DDX1: variants seen among roughly 807,000 people sequenced by gnomAD.
DDX1 encodes the protein DEAD-box helicase 1.
In DDX1, 28 loss-of-function variants were observed where a neutral mutation model predicts 108.7. The ratio of observed to expected loss-of-function variants is 0.26; its 90% CI spans 0.19 to 0.35. DDX1 has a LOEUF of 0.35. Among genes scored for constraint, DDX1 ranks in the 10% least tolerant of loss-of-function variants. DDX1 has a pLI of 1.00. For missense variants in DDX1, 710 were observed against 884.5 expected (o/e 0.80, Z 2.50); for synonymous variants, 295 against 288.9 (o/e 1.02, Z -0.21).
chr2:15,618,336 C>A, intron 16 of DDX1, 66 bp downstream of exon 16: 1 of 827,704 alleles, frequency 1.2e-6, no homozygotes, highest in Non-Finnish European at 2.0e-6. Flanking sequence ...GTTACGGGAT[C>A]CCAGGGGGTG....
intron 12 of DDX1, among the ~76,000 whole-genome samples, chr2:15,606,819 A>AT (rs1246324057): frequency 6.6e-6 from 1 of 152,132 alleles, no homozygotes. Context: ...TTCCAAGTAG[A>AT]TTTTTATTGT....
Position 15,603,257 on chromosome 2 carries a change from C to G in DDX1, c.457C>G (p.Gln153Glu). The G allele has an allele frequency of 6.2e-7, 1 of 1,612,208 alleles. No individual in the cohort carries two copies. Among genetic ancestry groups the G allele is most frequent in the South Asian group, 1.1e-5 (1 of 90,942 alleles). ...ATGCAGGGTCGGGTGGTCTACCATG[C>G]AGGCCTCTTTGGACCTAGGTAAGTG... is the stretch of plus-strand genomic sequence containing the variant. ...GLCRVGWSTM[Q>E]ASLDLGTDKF... Residue 153 changes from glutamine (Q) to glutamate (E), a missense_variant, in exon 8 of 26, where the codon CAG becomes GAG. This residue lies in a region of DDX1 where 661 missense variants were observed against 810.2 expected (regional missense o/e 0.82). Transcript: ENST00000233084.
intron 18 of DDX1, among the ~76,000 whole-genome samples, chr2:15,622,940 T>C (rs1666035622): frequency 6.6e-6 from 1 of 152,142 alleles, no homozygotes. Context: ...TACTAGAGTT[T>C]TGTGTTAAGG....
At chr2:15,610,455 G>A (rs1376745551) in intron 13 of DDX1, among the ~76,000 whole-genome samples, 2 of 152,174 alleles carry the variant, frequency 1.3e-5, no homozygotes, top group Non-Finnish European at 2.9e-5. Flanking sequence ...CATGAGAAAG[G>A]GTTTTAACTT....
chr2:15,617,006 T>C (rs554349981), intron 14 of DDX1, among the ~76,000 whole-genome samples: 2 of 152,308 alleles, frequency 1.3e-5, no homozygotes, highest in East Asian at 3.9e-4. Context: ...CATTAGAATG[T>C]ATATCAGTTA....
chr2:15,606,363 C>A, intron 12 of DDX1, 99 bp downstream of exon 12: 2 of 777,850 alleles, frequency 2.6e-6, no homozygotes, highest in Non-Finnish European at 4.1e-6. Flanking sequence ...ATATACTTTC[C>A]TTGCTGGTTT....
chr2:15,594,363 C>T (rs1488102436), intron 1 of DDX1, among the ~76,000 whole-genome samples: 1 of 152,014 alleles, frequency 6.6e-6, no homozygotes, highest in South Asian at 2.1e-4. Context: ...ATAAAAATCA[C>T]TTGTCTTTTG....
intron 8 of DDX1, 102 bp downstream of exon 8, chr2:15,603,377 T>C: frequency 1.2e-6 from 1 of 808,506 alleles, no homozygotes; most frequent in Non-Finnish European, 2.0e-6. Context: ...AAAAAGGTTT[T>C]ATTTTAAAGA....
intron 6 of DDX1, 85 bp from the exon 7 acceptor site, chr2:15,602,462 GA>G (rs1420670818): frequency 2.0e-5 from 18 of 901,246 alleles, no homozygotes; most frequent in Non-Finnish European, 3.3e-5. Flanking sequence ...GAGACTGAAT[GA>G]TTTTTTTTGG....
chr2:15,610,808 A>G (rs1272837463), intron 13 of DDX1, among the ~76,000 whole-genome samples: 3 of 142,010 alleles, frequency 2.1e-5, no homozygotes, highest in Admixed American at 2.1e-4. Flanking sequence ...GCACTTCAGC[A>G]ATAGATACAG....
At chr2:15,594,559 A>G (rs1169854035) in intron 1 of DDX1, among the ~76,000 whole-genome samples, 6 of 152,208 alleles carry the variant, frequency 3.9e-5, no homozygotes, top group Non-Finnish European at 8.8e-5. Context: ...TTCAGCTGAC[A>G]TTTCCAGGTG....
intron 18 of DDX1, among the ~76,000 whole-genome samples, chr2:15,622,957 C>T (rs536367053): frequency 1.1e-4 from 16 of 152,130 alleles, no homozygotes; most frequent in Non-Finnish European, 2.4e-4. Context: ...AAGGTTTTTA[C>T]TGCGTAGAGT....
intron 3 of DDX1, 62 bp downstream of exon 3, chr2:15,595,615 T>G (rs1665484896): frequency 3.7e-6 from 4 of 1,090,214 alleles, no homozygotes; most frequent in Non-Finnish European, 4.3e-6. Context: ...TTGCATAGGC[T>G]TACAAATGCT....
At chr2:15,595,881 C>CT (rs111848329) in intron 3 of DDX1, among the ~76,000 whole-genome samples, 52 of 151,256 alleles carry the variant, frequency 3.4e-4, no homozygotes, top group African/African-American at 1.2e-3. Context: ...AAGTAGATTT[C>CT]TTTTTTTTTG....
At chr2:15,612,270 G>A (rs1482444391) in intron 13 of DDX1, among the ~76,000 whole-genome samples, 10 of 151,154 alleles carry the variant, frequency 6.6e-5, no homozygotes, top group Middle Eastern at 3.5e-3. Flanking sequence ...GGGCAGAGAC[G>A]CTCCTCACCT....
chr2:15,629,484 T>A, intron 23 of DDX1, 118 bp from the exon 24 acceptor site: 1 of 674,702 alleles, frequency 1.5e-6, no homozygotes, highest in Non-Finnish European at 2.5e-6. Flanking sequence ...ATATCATACC[T>A]ATAATCTATT....
At chr2:15,603,307 A>C (rs762884561) in intron 8 of DDX1, 32 bp downstream of exon 8, 2 of 1,378,630 alleles carry the variant, frequency 1.5e-6, no homozygotes, top group Admixed American at 1.8e-5. Flanking sequence ...GAATTGATTG[A>C]TTTACATTTG....
intron 5 of DDX1, among the ~76,000 whole-genome samples, chr2:15,598,226 T>G (rs1470861100): frequency 6.6e-6 from 1 of 152,208 alleles, no homozygotes; most frequent in African/African-American, 2.4e-5. Context: ...ACATATTCTT[T>G]TCAGTTGTTT....
Position 15,595,496 on chromosome 2 carries a change from A to G in DDX1, c.75A>G (p.Pro25=), listed in dbSNP as rs1665483259. The change falls in exon 3 of 26, where the codon CCA becomes CCG. Residue 25 remains proline (P), a synonymous_variant. Transcript: ENST00000233084. The stretch of plus-strand genomic sequence containing the variant: ...TCAAATATGATTCTTTTAGCCTCCC[A>G]ACTGATATCCAGGCTGAATCTATCC... ...QAVEEMDWLL[P]TDIQAESIPL... 2 of 1,610,332 alleles carry G rather than the reference A, an allele frequency of 1.2e-6. No individual in the cohort carries two copies. The highest frequency in any genetic ancestry group is 2.7e-5 in the African/African-American group (2 of 74,880).
Sources: gnomAD v4.1 joint callset for allele counts (sites outside exome capture counted in the v4.1 genomes callset) on GRCh38, gnomAD v4.1.1 for gene constraint, gnomAD v4.1.1 regional missense constraint, MANE v1.5 for transcripts, NCBI Gene and HGNC (gene_info 2026-07-23, HGNC 2026-07-21) for gene names.